Variants in SMC1A observed in about 807,000 individuals in gnomAD.
The protein encoded by SMC1A is structural maintenance of chromosomes 1A.
SMC1A carries 4 observed loss-of-function variants against 94.5 expected under a neutral mutation model. That is an observed-to-expected ratio of 0.04 (90% confidence interval 0.02 to 0.10). The LOEUF (loss-of-function observed/expected upper bound fraction) is 0.10. Ranked by LOEUF, SMC1A falls within the 10% of genes least tolerant of loss-of-function variation. SMC1A has a pLI of 1.00. For synonymous variants in SMC1A, 345 were observed against 347.7 expected, an observed-to-expected ratio of 0.99 and a Z score of 0.09; for missense variants, 304 against 989.0, an observed-to-expected ratio of 0.31 and a Z score of 9.29.
In SMC1A at chrX:53,379,969, G is replaced by C. The variant is rs1556885671; in HGVS notation, c.*134C>G. The stretch of plus-strand genomic sequence containing the variant: ...ATCACCTCTGTTCCTCTTCATGCTT[G>C]ATTAGCAGTGCCTAAATCCCATGAC... On this transcript the variant is annotated 3_prime_UTR_variant, in exon 25 of 25. Coordinates refer to ENST00000322213, the MANE Select transcript of SMC1A (RefSeq NM_006306.4). The C allele has an allele frequency of 1.9e-6, 1 of 520,423 alleles. No individual in the cohort carries two copies. The highest frequency in any genetic ancestry group is 3.5e-6 in the Non-Finnish European group (1 of 289,277). 42.9% of individuals were successfully genotyped at this position (520,423 alleles called of 1,213,427 possible).
At chrX:53,418,822 C>G (rs2075742509) in intron 1 of SMC1A, among the ~76,000 whole-genome samples, 1 of 111,335 alleles carries the variant, frequency 9.0e-6, no homozygotes, top group Non-Finnish European at 1.9e-5. Context: ...GCAGGCGGAT[C>G]ACCTGAGGTC....
intron 16 of SMC1A, among the ~76,000 whole-genome samples, chrX:53,398,640 C>T (rs1052739722): frequency 1.8e-5 from 2 of 110,943 alleles, no homozygotes; most frequent in Non-Finnish European, 3.8e-5. Context: ...AGTAACATCA[C>T]GGATTTAAGG....
rs975476459 is a variant in SMC1A, at chrX:53,378,205, C to T, written c.*1898G>A. On this transcript the variant is annotated 3_prime_UTR_variant, in exon 25 of 25. Transcript: ENST00000322213. ...AATATCCTATGACTTTGCAATTCCA[C>T]TTCTAGGAATCAACCCTAGGTAAAC... is the stretch of plus-strand genomic sequence containing the variant. The T allele has an allele frequency of 8.9e-6, 1 of 112,058 alleles. No homozygotes were observed. Among genetic ancestry groups the T allele is most frequent in the Non-Finnish European group, 1.9e-5 (1 of 53,250 alleles). 9.2% of individuals were successfully genotyped at this position (112,058 alleles called of 1,213,427 possible). A position where few individuals can be genotyped will look rare whatever the true frequency, so the allele number is the denominator to read the frequency against.
rs2146582406 is a variant in SMC1A at position 53,382,220 on chromosome X, G to T, written c.3437+12C>A. ...AGTCTCTTCGTCAACTGCCCTAGGG[G>T]ATCAGCCTTACCTGTGGATGGCAAA... On this transcript the variant is annotated intron_variant, in intron 22 of 24. Transcript: ENST00000322213. The T allele has an allele frequency of 8.3e-7, 1 of 1,210,986 alleles. No homozygotes were observed. Among genetic ancestry groups the T allele is most frequent in the Non-Finnish European group, 1.1e-6 (1 of 894,978 alleles).
chrX:53,377,112 CAGG>C lies in SMC1A; in HGVS notation c.*2988_*2990del, dbSNP rs2075562661. The C allele has an allele frequency of 1.8e-5, 2 of 111,884 alleles. No individual in the cohort carries two copies. Among genetic ancestry groups the C allele is most frequent in the Admixed American group, 1.9e-4 (2 of 10,505 alleles). 9.2% of individuals were successfully genotyped at this position (111,884 alleles called of 1,213,427 possible). ...CTTGACAACGGTTGCCCTGTGATGC[CAGG>C]AGGTGGTGGGGCACGACAGGAGAGA... On this transcript the variant is annotated 3_prime_UTR_variant, in exon 25 of 25. Transcript: ENST00000322213.
At chrX:53,422,655 G>T, upstream of SMC1A, 1 of 798,741 alleles carries the variant, frequency 1.3e-6, no homozygotes, top group Non-Finnish European at 1.9e-6. Context: ...CCCGAGAACT[G>T]AGGTAGCCCG....
intron 7 of SMC1A, among the ~76,000 whole-genome samples, chrX:53,409,927 T>G (rs782722638): frequency 8.9e-6 from 1 of 112,308 alleles, no homozygotes; most frequent in East Asian, 2.8e-4. Flanking sequence ...TTTTTATTAT[T>G]TTTTAAAATT....
intron 1 of SMC1A, chrX:53,422,182 G>A (rs1456465836): frequency 3.0e-6 from 2 of 661,634 alleles, no homozygotes; most frequent in African/African-American, 2.2e-5. Flanking sequence ...GGACTGAGCT[G>A]GCGGGAAGCT....
chrX:53,382,169 C>CA, intron 22 of SMC1A, 63 bp downstream of exon 22: 1 of 1,154,174 alleles, frequency 8.7e-7, no homozygotes, highest in Non-Finnish European at 1.2e-6. Context: ...ATCCTTGGGC[C>CA]CCAGAGCCTC....
intron 16 of SMC1A, 124 bp from the exon 17 acceptor site, chrX:53,396,741 T>C: frequency 1.3e-6 from 1 of 773,357 alleles, no homozygotes; most frequent in Non-Finnish European, 1.9e-6. Flanking sequence ...TGAGCTTTGC[T>C]TTCACACCCC....
chrX:53,404,125 A>G (rs1206690762), intron 13 of SMC1A, among the ~76,000 whole-genome samples: 1 of 111,331 alleles, frequency 9.0e-6, no homozygotes, highest in Non-Finnish European at 1.9e-5. Flanking sequence ...GGACACAGTA[A>G]ACATCATTAG....
intron 9 of SMC1A, 56 bp downstream of exon 9, chrX:53,409,006 A>T: frequency 9.0e-7 from 1 of 1,109,794 alleles, no homozygotes; most frequent in Non-Finnish European, 1.2e-6. Context: ...CTGCTGGGAA[A>T]ATCGTGTGAC....
chrX:53,405,197 C>G (rs782327291), intron 12 of SMC1A, 48 bp from the exon 13 acceptor site: 25 of 1,210,526 alleles, frequency 2.1e-5, no homozygotes, highest in Non-Finnish European at 2.6e-5. Flanking sequence ...GGTGGCTGAC[C>G]TAGGCTTAGG....
In SMC1A at chrX:53,399,799, C is replaced by CA. The variant is rs1324059592; in HGVS notation, c.2421-70dup. On this transcript the variant is annotated intron_variant, in intron 15 of 24. Coordinates refer to ENST00000322213, the MANE Select transcript of SMC1A (RefSeq NM_006306.4). ...CCAGAGATAACCAATGTACAAAATC[C>CA]AACTATGGGAAGAAAGGGAAACTAG... The CA allele has an allele frequency of 2.8e-6, 3 of 1,066,197 alleles. No individual in the cohort carries two copies. The African/African-American group carries it at 5.6e-5, about 20-fold the overall frequency. 87.9% of individuals were successfully genotyped at this position (1,066,197 alleles called of 1,213,427 possible).
At chrX:53,410,926 CAAAAAAAAAAAAA>C (rs56669032) in intron 7 of SMC1A, among the ~76,000 whole-genome samples, 3 of 28,815 alleles carry the variant, frequency 1.0e-4, no homozygotes, top group African/African-American at 5.6e-4. Flanking sequence ...GGCTTTGTCT[CAAAAAAAAAAAAA>C]AAAAAAGTAG....
chrX:53,389,505 C>A (rs782643724), intron 19 of SMC1A, among the ~76,000 whole-genome samples: 1 of 110,938 alleles, frequency 9.0e-6, no homozygotes, highest in Non-Finnish European at 1.9e-5. Flanking sequence ...CCGAGGCGGG[C>A]GGATCACAAA....
At position 53,405,167 on chromosome X, in the gene SMC1A, G is replaced by C; in HGVS notation, c.2059-18C>G. 1.7e-6 allele frequency: 2 copies of C among 1,212,091 alleles called. No individual in the cohort carries two copies. The highest frequency in any genetic ancestry group is 2.2e-6 in the Non-Finnish European group (2 of 895,544). ...ATCTGCTCCTGAAGGGAACAAGAAA[G>C]AAGGGCTAGGTGGTAAGGTGGTGGC... On this transcript the variant is annotated intron_variant, in intron 12 of 24. Coordinates refer to ENST00000322213, the MANE Select transcript of SMC1A (RefSeq NM_006306.4).
At chrX:53,414,306 T>C (rs868936192) in intron 3 of SMC1A, among the ~76,000 whole-genome samples, 3 of 111,087 alleles carry the variant, frequency 2.7e-5, no homozygotes, top group Admixed American at 9.7e-5. Context: ...GCTTAGGAGT[T>C]TGGATCTCAT....
chrX:53,381,976 C>G, intron 22 of SMC1A: 1 of 429,367 alleles, frequency 2.3e-6, no homozygotes, highest in Non-Finnish European at 4.1e-6. Context: ...CCAGCAACCT[C>G]GTGAGCAAAA....
Sources: allele counts gnomAD v4.1 joint callset (sites outside exome capture counted in the v4.1 genomes callset), GRCh38; gene constraint gnomAD v4.1.1; transcripts MANE v1.5; gene names NCBI Gene and HGNC (gene_info 2026-07-23, HGNC 2026-07-21).